PHACTR4: variants seen among roughly 807,000 people sequenced by gnomAD.
PHACTR4 encodes phosphatase and actin regulator 4.
PHACTR4 carries 51 observed loss-of-function variants against 72.7 expected under a neutral mutation model. The ratio of observed to expected loss-of-function variants is 0.70; its 90% CI spans 0.56 to 0.89. The LOEUF is 0.89. Ranked by LOEUF, PHACTR4 falls within the 40% of genes least tolerant of loss-of-function variation. PHACTR4 has a pLI of 0.00. For missense variants in PHACTR4, 731 were observed against 861.8 expected, an observed-to-expected ratio of 0.85 and a Z score of 1.90; for synonymous variants, 255 against 302.5, an observed-to-expected ratio of 0.84 and a Z score of 1.63.
At chr1:28,440,451 A>G (rs1476521389) in intron 2 of PHACTR4, among the ~76,000 whole-genome samples, 2 of 105,638 alleles carry the variant, frequency 1.9e-5, no homozygotes, top group African/African-American at 7.9e-5. Flanking sequence ...GCTGGAGTGC[A>G]GTGGCTTGAT....
intron 2 of PHACTR4, among the ~76,000 whole-genome samples, chr1:28,416,402 A>C (rs1198723681): frequency 6.6e-6 from 1 of 152,202 alleles, no homozygotes; most frequent in Non-Finnish European, 1.5e-5. Flanking sequence ...CAGTGGTTTT[A>C]ATTTTTCTGC....
Position 28,369,767 on chromosome 1 carries a change from A to G in PHACTR4, c.-97A>G. 1 of 449,932 alleles carries G rather than the reference A, an allele frequency of 2.2e-6. No individual in the cohort carries two copies. The highest frequency in any genetic ancestry group is 1.6e-5 in the South Asian group (1 of 63,476). The allele number at this position is 449,932 out of a possible 1,614,324, so 27.9% of individuals were successfully genotyped here. A position where few individuals can be genotyped will look rare whatever the true frequency, so the allele number is the denominator to read the frequency against. ...GCTGCTGCCTGGCGGCCAACGGGCC[A>G]GGTAGGATTTCCGGGAGAGGCTGCT... is the stretch of plus-strand genomic sequence containing the variant. On this transcript the variant is annotated 5_prime_UTR_variant, in exon 1 of 14. Transcript: ENST00000373839.
chr1:28,468,043 G>C (rs571261988), intron 6 of PHACTR4, among the ~76,000 whole-genome samples: 1 of 152,276 alleles, frequency 6.6e-6, no homozygotes, highest in Non-Finnish European at 1.5e-5. Flanking sequence ...ATATCACCAT[G>C]TTGGGTGGAG....
At chr1:28,386,976 C>A (rs1652605006) in intron 1 of PHACTR4, among the ~76,000 whole-genome samples, 1 of 151,898 alleles carries the variant, frequency 6.6e-6, no homozygotes, top group African/African-American at 2.4e-5. Flanking sequence ...AAATTAGAGC[C>A]CTCAGGCTGG....
chr1:28,491,051 T>C (rs372964742), intron 11 of PHACTR4, 39 bp downstream of exon 11: 16 of 1,572,854 alleles, frequency 1.0e-5, no homozygotes, highest in Non-Finnish European at 1.4e-5. Context: ...ATATGTGTTA[T>C]ATTTGGATGG....
At chr1:28,422,855 C>G (rs1655593531) in intron 2 of PHACTR4, among the ~76,000 whole-genome samples, 1 of 152,162 alleles carries the variant, frequency 6.6e-6, no homozygotes, top group Admixed American at 6.5e-5. Flanking sequence ...GGTGCCATCT[C>G]AGCTCACTGC....
At chr1:28,407,363 A>C in intron 1 of PHACTR4, 47 bp from the exon 2 acceptor site, 1 of 1,014,150 alleles carries the variant, frequency 9.9e-7, no homozygotes, top group Non-Finnish European at 1.5e-6. Context: ...ATAAAAGGTG[A>C]TGGACTATAT....
chr1:28,409,874 G>GA (rs1654642359), intron 2 of PHACTR4, among the ~76,000 whole-genome samples: 1 of 146,620 alleles, frequency 6.8e-6, no homozygotes. Flanking sequence ...ATTATGCCTA[G>GA]TTCATCAATT....
In PHACTR4 at chr1:28,457,321, G is replaced by A. The variant is rs1236888764; in HGVS notation, c.17-1764G>A. 7 of 449,880 alleles carry A rather than the reference G, an allele frequency of 1.6e-5. 1 individual carries two copies. In the Admixed American group the frequency reaches 1.7e-4, roughly 11 times the overall value. The allele number at this position is 449,880 out of a possible 1,614,324, so 27.9% of individuals were successfully genotyped here. ...GTTTTAAAAGAGAGAGAGGCCAGGTGTGGTGGTACACACCTTTAATCCCAG... is the reference window on the plus strand; with the variant it reads ...GTTTTAAAAGAGAGAGAGGCCAGGTATGGTGGTACACACCTTTAATCCCAG... On this transcript the variant is annotated intron_variant, in intron 2 of 13. Coordinates refer to ENST00000373839, the MANE Select transcript of PHACTR4 (RefSeq NM_001048183.3).
At chr1:28,493,211 C>CT in intron 13 of PHACTR4, 120 bp downstream of exon 13, 1 of 846,336 alleles carries the variant, frequency 1.2e-6, no homozygotes, top group Non-Finnish European at 1.9e-6. Flanking sequence ...GATTGCAAGA[C>CT]TGCATTCAAA....
At chr1:28,445,285 C>T (rs1012240635) in intron 2 of PHACTR4, among the ~76,000 whole-genome samples, 3 of 151,982 alleles carry the variant, frequency 2.0e-5, no homozygotes, top group East Asian at 1.9e-4. Context: ...GACAGAGTCT[C>T]GCTATGTTGC....
At chr1:28,494,625 C>G (rs1420488155) in intron 13 of PHACTR4, among the ~76,000 whole-genome samples, 1 of 152,236 alleles carries the variant, frequency 6.6e-6, no homozygotes, top group Non-Finnish European at 1.5e-5. Flanking sequence ...GCGCTCCAAC[C>G]TGGGCAACAG....
At chr1:28,483,667 T>G (rs1246223456) in intron 9 of PHACTR4, among the ~76,000 whole-genome samples, 2 of 151,338 alleles carry the variant, frequency 1.3e-5, no homozygotes, top group Non-Finnish European at 2.9e-5. Flanking sequence ...CTGGGTGTGG[T>G]GCTGGGCCTG....
At position 28,478,171 on chromosome 1, in the gene PHACTR4, T is replaced by G. The variant is rs116180586; in HGVS notation, c.1606+1880T>G. On this transcript the variant is annotated intron_variant, in intron 8 of 13. Coordinates refer to ENST00000373839, the MANE Select transcript of PHACTR4 (RefSeq NM_001048183.3). ...CAACATTTATCTTTCTGTGCCTGGC[T>G]TATTTCACTTAACGTAATTGTCCTC... 8.9e-3 allele frequency among the ~76,000 whole-genome samples: 1,353 copies of G among 152,326 alleles called. 18 individuals are homozygous for G. The highest frequency in any genetic ancestry group is 0.031 in the African/African-American group (1,293 of 41,576).
In PHACTR4 at chr1:28,465,621, C is replaced by A. The variant is rs1659106786; in HGVS notation, c.272-64C>A. 3.4e-6 allele frequency: 5 copies of A among 1,465,190 alleles called. No homozygotes were observed. The South Asian group carries it at 6.4e-5, about 19-fold the overall frequency. 90.8% of individuals were successfully genotyped at this position (1,465,190 alleles called of 1,614,324 possible). On this transcript the variant is annotated intron_variant, in intron 4 of 13. Coordinates refer to ENST00000373839, the MANE Select transcript of PHACTR4 (RefSeq NM_001048183.3). ...GAGAGAGAAAGAAAAAAAGAAATTA[C>A]TAACTCTTCTTTCTATCTGTTCATG... is the stretch of plus-strand genomic sequence containing the variant.
chr1:28,474,022 T>A lies in PHACTR4; in HGVS notation c.1292T>A (p.Met431Lys), dbSNP rs1659756843. The A allele has an allele frequency of 5.0e-6, 8 of 1,614,180 alleles. No homozygotes were observed. The East Asian group carries it at 1.6e-4, about 31-fold the overall frequency. The part of the protein sequence containing the change: ...IQQALTSPLP[M>K]TPILEGSHRA... ...CAGGCCCTCACCAGCCCACTTCCCATGACTCCTATTCTGGAGGGTTCTCAC... is the reference window on the plus strand; with the variant it reads ...CAGGCCCTCACCAGCCCACTTCCCAAGACTCCTATTCTGGAGGGTTCTCAC... Residue 431 changes from methionine (M) to lysine (K), a missense_variant, in exon 7 of 14, where the codon ATG becomes AAG. By Grantham distance (95) the Met-to-Lys change is moderately conservative (BLOSUM62 -1). Transcript: ENST00000373839.
In PHACTR4 at chr1:28,487,810, C is replaced by T. The variant is rs531406480; in HGVS notation, c.1761-1360C>T. Among the ~76,000 whole-genome samples the T allele has an allele frequency of 2.7e-3, 361 of 133,206 alleles. 4 individuals carry two copies. Among genetic ancestry groups the T allele is most frequent in the African/African-American group, 6.9e-3 (247 of 35,890 alleles). 87.4% of individuals were successfully genotyped at this position (133,206 alleles called of 152,430 possible). ...GAGTGCAGTAGCATGAGCTTCAGCT[C>T]ACTGCAACCTCCATCTCCCAGGTTC... is the stretch of plus-strand genomic sequence containing the variant. On this transcript the variant is annotated intron_variant, in intron 9 of 13. Transcript: ENST00000373839.
intron 2 of PHACTR4, among the ~76,000 whole-genome samples, chr1:28,455,350 C>A (rs540681022): frequency 2.6e-5 from 4 of 151,876 alleles, no homozygotes; most frequent in Admixed American, 2.6e-4. Context: ...GCGTGTACCA[C>A]CACACCCAGC....
chr1:28,413,129 G>A (rs969385505), intron 2 of PHACTR4, among the ~76,000 whole-genome samples: 1 of 152,168 alleles, frequency 6.6e-6, no homozygotes, highest in Non-Finnish European at 1.5e-5. Flanking sequence ...GTTGGGGACC[G>A]CTGGGTTAAA....
Sources: allele counts gnomAD v4.1 joint callset (sites outside exome capture counted in the v4.1 genomes callset), GRCh38; gene constraint gnomAD v4.1.1; transcripts MANE v1.5; gene names NCBI Gene and HGNC (gene_info 2026-07-23, HGNC 2026-07-21).